PTPRJ: variants seen among roughly 807,000 people sequenced by gnomAD.
PTPRJ encodes the protein receptor-type tyrosine-protein phosphatase eta.
A neutral mutation model predicts 141.3 loss-of-function variants in PTPRJ; 129 were observed. The ratio of observed to expected loss-of-function variants is 0.91; its 90% confidence interval spans 0.79 to 1.06. The LOEUF is 1.06. Ranked by LOEUF, PTPRJ falls within the 50% of genes least tolerant of loss-of-function variation. The pLI is 0.00. For missense variants in PTPRJ, 1,601 were observed against 1,679.7 expected (o/e 0.95, Z 0.82); for synonymous variants, 610 against 640.5 (o/e 0.95, Z 0.72).
chr11:48,033,640 A>G, intron 1 of PTPRJ, among the ~76,000 whole-genome samples: 1 of 152,350 alleles, frequency 6.6e-6, no homozygotes, highest in African/African-American at 2.4e-5. Context: ...GAAATCCCTC[A>G]GAATGATGAG....
At chr11:48,135,476 CTTTTTTTTTTTT>C (rs34709299) in intron 8 of PTPRJ, among the ~76,000 whole-genome samples, 8 of 58,220 alleles carry the variant, frequency 1.4e-4, no homozygotes, top group Admixed American at 8.0e-4. Flanking sequence ...CGCGCCTGGC[CTTTTTTTTTTTT>C]TTTTTTTTTT....
At chr11:48,049,475 C>T (rs758989634) in intron 1 of PTPRJ, among the ~76,000 whole-genome samples, 1 of 151,556 alleles carries the variant, frequency 6.6e-6, no homozygotes. Flanking sequence ...GTCAGGAGTT[C>T]GAGACCAGCC....
At chr11:48,025,950 C>G (rs774901514) in intron 1 of PTPRJ, among the ~76,000 whole-genome samples, 17 of 152,192 alleles carry the variant, frequency 1.1e-4, no homozygotes, top group Admixed American at 1.1e-3. Context: ...GCTCATCCCC[C>G]CAATTATGGA....
At chr11:48,009,136 C>G (rs1259136075) in intron 1 of PTPRJ, among the ~76,000 whole-genome samples, 1 of 152,120 alleles carries the variant, frequency 6.6e-6, no homozygotes. Context: ...AAACAAGAAG[C>G]CATGTGTTGG....
chr11:48,167,160 G>A (rs372519671), intron 24 of PTPRJ, 44 bp from the exon 25 acceptor site: 23 of 1,558,444 alleles, frequency 1.5e-5, no homozygotes, highest in Non-Finnish European at 1.9e-5. Context: ...TAATTTCTGG[G>A]ACCCATGTTC....
chr11:48,034,641 G>A (rs1312877683), intron 1 of PTPRJ, among the ~76,000 whole-genome samples: 1 of 152,126 alleles, frequency 6.6e-6, no homozygotes, highest in Non-Finnish European at 1.5e-5. Context: ...GCCCTAGGAG[G>A]TAGGTACTAT....
At chr11:48,022,151 T>TG (rs1855141658) in intron 1 of PTPRJ, among the ~76,000 whole-genome samples, 1 of 152,156 alleles carries the variant, frequency 6.6e-6, no homozygotes, top group Admixed American at 6.5e-5. Flanking sequence ...GTAAATTTTA[T>TG]GTAAGTGTTG....
chr11:48,000,982 A>ATTT (rs1002159076), intron 1 of PTPRJ, among the ~76,000 whole-genome samples: 9 of 122,862 alleles, frequency 7.3e-5, no homozygotes, highest in South Asian at 2.6e-4. Context: ...GTCCCATATA[A>ATTT]TTTTTTTTTT....
In PTPRJ at chr11:48,167,303, A is replaced by G. The variant is rs139396147; in HGVS notation, c.3955A>G (p.Ile1319Val). Reference protein sequence around the residue: ...LIYQNTTAMTIYENLAPVTTF... With the variant: ...LIYQNTTAMTVYENLAPVTTF... Reference sequence around the variant, plus strand: ...CTACCAGAACACAACTGCAATGACAATCTATGAAAACCTTGCGCCCGTGAC... The same window carrying G: ...CTACCAGAACACAACTGCAATGACAGTCTATGAAAACCTTGCGCCCGTGAC... The change falls in exon 25 of 25, where the codon ATC becomes GTC. Residue 1319 changes from isoleucine (I) to valine (V), a missense_variant. Transcript: ENST00000418331. 20 of 1,613,964 alleles carry G rather than the reference A, an allele frequency of 1.2e-5. No individual in the cohort carries two copies. In the African/African-American group the frequency reaches 1.7e-4, roughly 14 times the overall value.
rs768137090 is a variant in PTPRJ at position 48,149,463 on chromosome 11, A to G, written c.3016A>G (p.Asn1006Asp). Residue 1006 changes from asparagine (N) to aspartate (D), a missense_variant, in exon 16 of 25, where the codon AAT becomes GAT. Transcript: ENST00000418331. ...WRKKRKDAKN[N>D]EVSFSQIKPK... ...TTAAAACAGGAAAGATGCAAAGAAT[A>G]ATGAAGTGTCCTTTTCTCAAATTAA... 6.6e-7 allele frequency: 1 copy of G among 1,520,912 alleles called. No homozygotes were observed. The highest frequency in any genetic ancestry group is 9.0e-7 in the Non-Finnish European group (1 of 1,108,532). The allele number at this position is 1,520,912 out of a possible 1,614,324, so 94.2% of individuals were successfully genotyped here. A position where few individuals can be genotyped will look rare whatever the true frequency, so the allele number is the denominator to read the frequency against.
chr11:48,109,284 TAAA>T (rs34900809), intron 1 of PTPRJ, among the ~76,000 whole-genome samples: 70,229 of 149,994 alleles, frequency 0.47, 19,452 homozygotes, highest in Admixed American at 0.6. Flanking sequence ...CGATCCTACT[TAAA>T]AAAAAAAATC....
chr11:47,988,619 C>T (rs556609270), intron 1 of PTPRJ, among the ~76,000 whole-genome samples: 2 of 152,264 alleles, frequency 1.3e-5, no homozygotes, highest in Middle Eastern at 3.4e-3. Flanking sequence ...ACAAATCATA[C>T]TTTGTAATGT....
At position 48,141,193 on chromosome 11, in the gene PTPRJ, A is replaced by T. The variant is rs980826421; in HGVS notation, c.2443+1417A>T. Among the ~76,000 whole-genome samples, 12 of 150,960 alleles carry T rather than the reference A, an allele frequency of 7.9e-5. 1 individual carries two copies. Among genetic ancestry groups the T allele is most frequent in the South Asian group, 4.2e-4 (2 of 4,814 alleles). On this transcript the variant is annotated intron_variant, in intron 11 of 24. Transcript: ENST00000418331. Reference sequence around the variant, plus strand: ...TCTCATTTATTTTTTAAAAATATATAAAAAAAATGGGAATAACCCAAACTG... The same window carrying T: ...TCTCATTTATTTTTTAAAAATATATTAAAAAAATGGGAATAACCCAAACTG...
At chr11:47,993,998 C>G (rs1371052919) in intron 1 of PTPRJ, among the ~76,000 whole-genome samples, 1 of 151,458 alleles carries the variant, frequency 6.6e-6, no homozygotes, top group African/African-American at 2.4e-5. Context: ...GTAGCTGGGA[C>G]TATATGTGCA....
intron 15 of PTPRJ, among the ~76,000 whole-genome samples, chr11:48,147,878 G>C (rs1205585956): frequency 2.0e-5 from 3 of 151,826 alleles, no homozygotes; most frequent in Non-Finnish European, 4.4e-5. Context: ...ATGGAGTCTG[G>C]CTCTGTCCCC....
chr11:48,089,655 A>G (rs1045095935), intron 1 of PTPRJ, among the ~76,000 whole-genome samples: 16 of 152,334 alleles, frequency 1.1e-4, no homozygotes, highest in African/African-American at 3.8e-4. Context: ...TGTAGTTGTC[A>G]TAATGTCCGT....
Position 48,136,282 on chromosome 11 carries a change from C to T in PTPRJ, c.1859C>T (p.Thr620Ile). The change falls in exon 9 of 25, where the codon ACT (threonine) becomes ATT (isoleucine). Residue 620 changes from threonine to isoleucine, a missense_variant. Thr to Ile is a moderately conservative substitution (Grantham distance 89). Transcript: ENST00000418331. Reference protein sequence around the residue: ...VDHVWGDPNSTAQYTRPSNVS... With the variant: ...VDHVWGDPNSIAQYTRPSNVS... ...CACGTCTGGGGGGACCCCAACTCCA[C>T]TGCACAGTACACACGTAAGTCTCTT... 6.2e-7 allele frequency: 1 copy of T among 1,614,156 alleles called. No individual in the cohort carries two copies. Among genetic ancestry groups the T allele is most frequent in the South Asian group, 1.1e-5 (1 of 91,074 alleles).
intron 1 of PTPRJ, among the ~76,000 whole-genome samples, chr11:48,078,478 A>G (rs1218385657): frequency 1.3e-5 from 2 of 152,208 alleles, no homozygotes; most frequent in East Asian, 3.8e-4. Flanking sequence ...GTGCCAGCCA[A>G]GGTGTTTGAC....
chr11:48,086,214 C>T (rs1855704427), intron 1 of PTPRJ, among the ~76,000 whole-genome samples: 1 of 152,258 alleles, frequency 6.6e-6, no homozygotes, highest in African/African-American at 2.4e-5. Flanking sequence ...GTCTCTGTCG[C>T]CCAGGCTGGA....
Sources: gnomAD v4.1 joint callset for allele counts (sites outside exome capture counted in the v4.1 genomes callset) on GRCh38, gnomAD v4.1.1 for gene constraint, MANE v1.5 for transcripts, NCBI Gene and HGNC (gene_info 2026-07-23, HGNC 2026-07-21) for gene names.